The following PRIM2 variants were observed in gnomAD, a reference collection of about 807,000 sequenced individuals.
The protein encoded by PRIM2 is DNA primase large subunit.
Under a neutral mutation model 67.3 loss-of-function variants are expected in PRIM2, and 39 were observed. That is an observed-to-expected ratio of 0.58 (90% CI 0.45 to 0.76). The LOEUF (loss-of-function observed/expected upper bound fraction) is 0.76. Ranked by LOEUF, PRIM2 falls within the 30% of genes least tolerant of loss-of-function variation. The probability of loss-of-function intolerance (pLI) is 0.00; values close to 1 mark genes in which losing one functional copy is unlikely to be tolerated. For synonymous variants in PRIM2, 143 were observed against 198.7 expected, an observed-to-expected ratio of 0.72 and a Z score of 2.36; for missense variants, 398 against 598.7, an observed-to-expected ratio of 0.66 and a Z score of 3.50.
chr6:57,578,353 T>A (rs1258566918), intron 10 of PRIM2, among the ~76,000 whole-genome samples: 1 of 152,192 alleles, frequency 6.6e-6, no homozygotes, highest in Admixed American at 6.5e-5. Context: ...GTTTCCCCAC[T>A]GATTTTTGTC....
rs925884357 is a variant in PRIM2 at position 57,365,887 on chromosome 6, G to A, written c.460-14014G>A. Among the ~76,000 whole-genome samples, 9 of 142,326 alleles carry A rather than the reference G, an allele frequency of 6.3e-5. 1 individual carries two copies. The South Asian group carries it at 1.1e-3, about 18-fold the overall frequency. 93.4% of individuals were successfully genotyped at this position (142,326 alleles called of 152,430 possible). On this transcript the variant is annotated intron_variant, in intron 5 of 13. Coordinates refer to ENST00000615550, the MANE Select transcript of PRIM2 (RefSeq NM_000947.5). ...AGGCTGAGGCAGGAGAATTGCTTGA[G>A]CTTGGGAGATCAAGGCTGTAGTGAG...
At chr6:57,484,368 G>A (rs1430035513) in intron 7 of PRIM2, among the ~76,000 whole-genome samples, 8 of 152,108 alleles carry the variant, frequency 5.3e-5, no homozygotes, top group Non-Finnish European at 8.8e-5. Flanking sequence ...AGCTGTTGTC[G>A]TCGCTTTCTT....
intron 10 of PRIM2, among the ~76,000 whole-genome samples, chr6:57,593,704 CAAT>C (rs1776320592): frequency 6.6e-6 from 1 of 152,184 alleles, no homozygotes; most frequent in African/African-American, 2.4e-5. Context: ...AGTCTCTGTA[CAAT>C]ATTTGTTGAA....
upstream of PRIM2, among the ~76,000 whole-genome samples, chr6:57,317,182 C>G (rs1248796317): frequency 6.6e-6 from 1 of 152,142 alleles, no homozygotes; most frequent in Non-Finnish European, 1.5e-5. Context: ...AAAAAAAGAG[C>G]CCCTAATAGT....
intron 7 of PRIM2, among the ~76,000 whole-genome samples, chr6:57,470,195 A>G (rs1459661026): frequency 6.6e-6 from 1 of 151,796 alleles, no homozygotes; most frequent in East Asian, 1.9e-4. Flanking sequence ...ATTTCCCCCC[A>G]ATCTCTTCAA....
At chr6:57,558,596 T>A (rs1206218579) in intron 10 of PRIM2, among the ~76,000 whole-genome samples, 2 of 152,120 alleles carry the variant, frequency 1.3e-5, no homozygotes, top group Non-Finnish European at 2.9e-5. Context: ...GTTAAAGTAT[T>A]CCTGCTGGAT....
Position 57,446,800 on chromosome 6 carries a change from A to G in PRIM2, c.694-60587A>G, listed in dbSNP as rs532153231. ...AGTCAGCTGGCCATCTCCATCTCCC[A>G]TGCATTACCTTGATGTACCTTCCAG... On this transcript the variant is annotated intron_variant, in intron 7 of 13. Coordinates refer to ENST00000615550, the MANE Select transcript of PRIM2 (RefSeq NM_000947.5). 9.2e-5 allele frequency among the ~76,000 whole-genome samples: 14 copies of G among 152,268 alleles called. No individual in the cohort carries two copies. In the East Asian group the frequency reaches 1.5e-3, roughly 17 times the overall value.
At chr6:57,360,874 G>A (rs1229464845) in intron 5 of PRIM2, among the ~76,000 whole-genome samples, 2 of 152,162 alleles carry the variant, frequency 1.3e-5, no homozygotes, top group East Asian at 3.8e-4. Context: ...TTTTGAGTAA[G>A]TGATCAATGT....
At chr6:57,326,166 C>A in intron 5 of PRIM2, 121 bp downstream of exon 5, 1 of 1,085,358 alleles carries the variant, frequency 9.2e-7, no homozygotes, top group Non-Finnish European at 1.3e-6. Context: ...CTGCCTGAAA[C>A]AGTAGCTAAT....
chr6:57,514,619 A>G (rs1371125479), intron 8 of PRIM2, among the ~76,000 whole-genome samples: 1 of 152,112 alleles, frequency 6.6e-6, no homozygotes, highest in African/African-American at 2.4e-5. Flanking sequence ...ATAAATTAGA[A>G]TATATTGTTT....
chr6:57,367,260 G>C (rs1769391086), intron 5 of PRIM2, among the ~76,000 whole-genome samples: 1 of 152,156 alleles, frequency 6.6e-6, no homozygotes, highest in African/African-American at 2.4e-5. Context: ...CAGCCACAGA[G>C]TGGTAATTAT....
intron 5 of PRIM2, among the ~76,000 whole-genome samples, chr6:57,374,975 A>T (rs112321083): frequency 0.09 from 13,705 of 152,166 alleles, 1,035 homozygotes; most frequent in African/African-American, 0.25. Flanking sequence ...GGCTGAGACA[A>T]TGGGGTTTTC....
intron 5 of PRIM2, among the ~76,000 whole-genome samples, chr6:57,340,711 TG>T (rs1321423143): frequency 6.7e-6 from 1 of 149,442 alleles, no homozygotes; most frequent in Non-Finnish European, 1.5e-5. Context: ...TGTTGTGGGG[TG>T]GGGGTAGGGG....
chr6:57,269,413 T>C, the PRIM2 span, among the ~76,000 whole-genome samples: 1 of 152,146 alleles, frequency 6.6e-6, no homozygotes, highest in Admixed American at 6.5e-5. Context: ...CATGTGTTTT[T>C]TGGCTGCATA....
At chr6:57,345,603 A>G (rs576304243) in intron 5 of PRIM2, among the ~76,000 whole-genome samples, 2 of 152,156 alleles carry the variant, frequency 1.3e-5, no homozygotes, top group Non-Finnish European at 2.9e-5. Context: ...CATTTACATT[A>G]TGGAATGTAG....
rs1772504758 is a variant in PRIM2 at position 57,450,388 on chromosome 6, C to A, written c.694-56999C>A. On this transcript the variant is annotated intron_variant, in intron 7 of 13. Coordinates refer to ENST00000615550, the MANE Select transcript of PRIM2 (RefSeq NM_000947.5). ...AAGAATTCATTGCTTCACTACTGTA[C>A]CATAGTTTATAAAGGACTTTTTGAG... 1.9e-4 allele frequency among the ~76,000 whole-genome samples: 29 copies of A among 152,270 alleles called. 1 individual carries two copies. In the South Asian group the frequency reaches 6.0e-3, roughly 32 times the overall value.
At chr6:57,434,582 T>G (rs1479847659) in intron 7 of PRIM2, among the ~76,000 whole-genome samples, 2 of 152,180 alleles carry the variant, frequency 1.3e-5, no homozygotes, top group African/African-American at 2.4e-5. Context: ...GTTACCCATA[T>G]AGTAAAATCA....
intron 3 of PRIM2, 59 bp from the exon 4 acceptor site, chr6:57,324,142 T>C: frequency 1.0e-6 from 1 of 969,464 alleles, no homozygotes; most frequent in Non-Finnish European, 1.6e-6. Flanking sequence ...GCTCAGTATT[T>C]CCTTACACCT....
chr6:57,420,718 T>C (rs1160988209), intron 7 of PRIM2, among the ~76,000 whole-genome samples: 1 of 152,156 alleles, frequency 6.6e-6, no homozygotes, highest in Non-Finnish European at 1.5e-5. Flanking sequence ...CATGGGGACT[T>C]GGTATCAGAT....
Sources: gnomAD v4.1 joint callset for allele counts (sites outside exome capture counted in the v4.1 genomes callset) on GRCh38, gnomAD v4.1.1 for gene constraint, MANE v1.5 for transcripts, NCBI Gene and HGNC (gene_info 2026-07-23, HGNC 2026-07-21) for gene names.